PHIP: variants seen among roughly 807,000 people sequenced by gnomAD.
PHIP encodes the protein PHIP subunit of CUL4-Ring ligase complex, also known as PH-interacting protein.
In PHIP, 54 loss-of-function variants were observed where a neutral mutation model predicts 236.8. The ratio of observed to expected loss-of-function variants is 0.23; its 90% CI spans 0.18 to 0.29. The LOEUF (loss-of-function observed/expected upper bound fraction) is 0.29, where lower values mean the gene tolerates loss of function less well. Among genes scored for constraint, PHIP ranks in the 10% least tolerant of loss-of-function variants. PHIP has a pLI of 1.00. For synonymous variants in PHIP, 756 were observed against 718.9 expected (o/e 1.05, Z -0.83); for missense variants, 1,370 against 2,190.8 (o/e 0.63, Z 7.48).
intron 24 of PHIP, among the ~76,000 whole-genome samples, chr6:78,973,416 C>A (rs1767771837): frequency 6.8e-6 from 1 of 147,628 alleles, no homozygotes; most frequent in Admixed American, 6.9e-5. Flanking sequence ...CCAGCCGCTG[C>A]AAAATCATGC....
rs1162812661 is a variant in PHIP, at chr6:78,938,704, A to C, written c.*1989T>G. 1 of 151,718 alleles carries C rather than the reference A, an allele frequency of 6.6e-6. No homozygotes were observed. The highest frequency in any genetic ancestry group is 2.4e-5 in the African/African-American group (1 of 41,426). 9.4% of individuals were successfully genotyped at this position (151,718 alleles called of 1,614,324 possible). On this transcript the variant is annotated 3_prime_UTR_variant, in exon 40 of 40. Transcript: ENST00000275034. ...TAAATATATTTGTTAGAAAAAAATA[A>C]ATATACAAAAAACCTGAAAAATTTG...
intron 6 of PHIP, among the ~76,000 whole-genome samples, chr6:79,051,183 A>G (rs1350341745): frequency 6.6e-6 from 1 of 152,166 alleles, no homozygotes; most frequent in East Asian, 1.9e-4. Context: ...ATTATTCAAC[A>G]CAGGTTGGTT....
chr6:78,994,666 C>T (rs1020271266), intron 19 of PHIP, among the ~76,000 whole-genome samples: 4 of 152,138 alleles, frequency 2.6e-5, no homozygotes, highest in African/African-American at 9.7e-5. Flanking sequence ...AAGTTCCACA[C>T]AGAAATATTT....
At chr6:79,008,618 A>G (rs1770421555) in intron 15 of PHIP, among the ~76,000 whole-genome samples, 1 of 152,038 alleles carries the variant, frequency 6.6e-6, no homozygotes, top group Non-Finnish European at 1.5e-5. Flanking sequence ...ATTCTGCTAA[A>G]TATATGAGTA....
chr6:79,003,179 A>G (rs775067501), intron 16 of PHIP, among the ~76,000 whole-genome samples: 19 of 152,036 alleles, frequency 1.2e-4, no homozygotes, highest in Non-Finnish European at 1.8e-4. Flanking sequence ...CTGAAATGAG[A>G]GGATTGTTTG....
chr6:79,066,889 T>C (rs1034649511), intron 4 of PHIP, among the ~76,000 whole-genome samples: 1 of 152,072 alleles, frequency 6.6e-6, no homozygotes, highest in African/African-American at 2.4e-5. Context: ...ACCCTGGTTT[T>C]GTTTTTGTTT....
chr6:79,025,891 T>G, intron 8 of PHIP, 52 bp downstream of exon 8: 1 of 1,289,004 alleles, frequency 7.8e-7, no homozygotes, highest in Non-Finnish European at 1.1e-6. Flanking sequence ...TAAATTTACT[T>G]TACATTATAA....
At position 79,029,750 on chromosome 6, in the gene PHIP, G is replaced by A. The variant is rs567852812; in HGVS notation, c.601-3586C>T. ...TCGCCCTGGTGACCAGGCTGGTCTC[G>A]AACTCCTGGCCTCAAGTAATCCACC... On this transcript the variant is annotated intron_variant, in intron 7 of 39. Coordinates refer to ENST00000275034, the MANE Select transcript of PHIP (RefSeq NM_017934.7). 9.9e-5 allele frequency among the ~76,000 whole-genome samples: 15 copies of A among 152,172 alleles called. No homozygotes were observed. The South Asian group carries it at 3.1e-3, about 32-fold the overall frequency.
chr6:79,049,876 T>C (rs1235344624), intron 6 of PHIP, among the ~76,000 whole-genome samples: 1 of 152,216 alleles, frequency 6.6e-6, no homozygotes, highest in East Asian at 1.9e-4. Flanking sequence ...GATAAATGTA[T>C]TGTGTGGCAT....
At chr6:78,961,566 T>TC in intron 31 of PHIP, 124 bp downstream of exon 31, 1 of 851,410 alleles carries the variant, frequency 1.2e-6, no homozygotes, top group South Asian at 1.6e-5. Context: ...CATTTTAACA[T>TC]AATCCCCATA....
At position 78,935,055 on chromosome 6, in the gene PHIP, T is replaced by C. The variant is rs970903680; in HGVS notation, c.*5638A>G. Among the ~76,000 whole-genome samples, 2 of 152,158 alleles carry C rather than the reference T, an allele frequency of 1.3e-5. No individual in the cohort carries two copies. Among genetic ancestry groups the C allele is most frequent in the African/African-American group, 4.8e-5 (2 of 41,438 alleles). ...CTTTAATCTTACTTCCGTTAAATACTGGGGAATCCTGGGTCATAAAATTGG... is the reference window on the plus strand; with the variant it reads ...CTTTAATCTTACTTCCGTTAAATACCGGGGAATCCTGGGTCATAAAATTGG... On this transcript the variant is annotated 3_prime_UTR_variant, in exon 40 of 40. Coordinates refer to ENST00000275034, the MANE Select transcript of PHIP (RefSeq NM_017934.7).
chr6:78,937,207 T>C lies in PHIP; in HGVS notation c.*3486A>G, dbSNP rs1044910960. On this transcript the variant is annotated 3_prime_UTR_variant, in exon 40 of 40. Coordinates refer to ENST00000275034, the MANE Select transcript of PHIP (RefSeq NM_017934.7). ...ACATTCAGAATATATCCGTTTTCAT[T>C]AGATAGAAAACTGAAAAAGTTGCTT... The C allele has an allele frequency of 6.6e-6, 1 of 151,710 alleles. No homozygotes were observed. Among genetic ancestry groups the C allele is most frequent in the Non-Finnish European group, 1.5e-5 (1 of 67,666 alleles). 9.4% of individuals were successfully genotyped at this position (151,710 alleles called of 1,614,324 possible).
At chr6:78,980,182 G>T (rs1187396730) in intron 23 of PHIP, among the ~76,000 whole-genome samples, 1 of 151,864 alleles carries the variant, frequency 6.6e-6, no homozygotes, top group Non-Finnish European at 1.5e-5. Context: ...AATTTTTATC[G>T]GAACACAGCC....
chr6:78,947,876 T>C (rs1773913714), intron 35 of PHIP, 101 bp from the exon 36 acceptor site: 1 of 726,356 alleles, frequency 1.4e-6, no homozygotes, highest in Non-Finnish European at 2.3e-6. Flanking sequence ...CTGCAAGTCC[T>C]AGAACTCTTA....
In PHIP at chr6:79,015,779, T is replaced by G. The variant is rs201512168; in HGVS notation, c.1240A>C (p.Asn414His). Reference sequence around the variant, plus strand: ...ATTTTATCTTCTATTCCTTGAAGGTTTTGGCTGAAAGTGAGGAAGTGTTTT... The same window carrying G: ...ATTTTATCTTCTATTCCTTGAAGGTGTTGGCTGAAAGTGAGGAAGTGTTTT... ...LDMATRPAGQNLQGIEDKITK... is the reference protein window; with the variant it reads ...LDMATRPAGQHLQGIEDKITK... Residue 414 changes from asparagine to histidine, a missense_variant, in exon 14 of 40, where the codon AAC becomes CAC. Around this residue, in one of 14 missense-constraint regions of PHIP, gnomAD observed 188 missense variants for 354.3 expected, o/e 0.53. Transcript: ENST00000275034. The G allele has an allele frequency of 9.3e-6, 15 of 1,607,734 alleles. No homozygotes were observed. Among genetic ancestry groups the G allele is most frequent in the African/African-American group, 1.3e-5 (1 of 74,666 alleles).
rs1773339265 is a variant in PHIP at position 78,938,067 on chromosome 6, A to G, written c.*2626T>C. 6.6e-6 allele frequency: 1 copy of G among 151,748 alleles called. No homozygotes were observed. 9.4% of individuals were successfully genotyped at this position (151,748 alleles called of 1,614,324 possible). A position where few individuals can be genotyped will look rare whatever the true frequency, so the allele number is the denominator to read the frequency against. On this transcript the variant is annotated 3_prime_UTR_variant, in exon 40 of 40. Transcript: ENST00000275034. ...AAAGAGGATTATTTTCCCAAGTGGT[A>G]AAGAAAACAAAAATATGGTGATGAC...
intron 4 of PHIP, 86 bp downstream of exon 4, chr6:79,077,362 T>C: frequency 7.9e-7 from 1 of 1,273,620 alleles, no homozygotes; most frequent in Non-Finnish European, 1.1e-6. Flanking sequence ...AGGGCCAAGT[T>C]TTTGTCTCTG....
Position 79,078,240 on chromosome 6 carries a change from T to C in PHIP, c.-172A>G. ...AGGAGGAGGAGGAGGAAACAACAAC[T>C]CTCAGGCAGCGACTACGGCCGTGGC... is the stretch of plus-strand genomic sequence containing the variant. On this transcript the variant is annotated 5_prime_UTR_variant, in exon 1 of 40. Coordinates refer to ENST00000275034, the MANE Select transcript of PHIP (RefSeq NM_017934.7). 1 of 604,594 alleles carries C rather than the reference T, an allele frequency of 1.7e-6. No individual in the cohort carries two copies. The highest frequency in any genetic ancestry group is 2.9e-6 in the Non-Finnish European group (1 of 347,264). The allele number at this position is 604,594 out of a possible 1,614,324, so 37.5% of individuals were successfully genotyped here.
chr6:78,944,852 T>G lies in PHIP; in HGVS notation c.4828+448A>C, dbSNP rs190897353. Among the ~76,000 whole-genome samples, 627 of 152,272 alleles carry G rather than the reference T, an allele frequency of 4.1e-3. 2 individuals carry two copies. The highest frequency in any genetic ancestry group is 0.014 in the African/African-American group (567 of 41,550). ...TTCTTCATCTTTCAAACATAAAGAC[T>G]TTACAATAAAAACCTGGAGGTGAAA... is the stretch of plus-strand genomic sequence containing the variant. On this transcript the variant is annotated intron_variant, in intron 39 of 39. Coordinates refer to ENST00000275034, the MANE Select transcript of PHIP (RefSeq NM_017934.7).
Sources: gnomAD v4.1 joint callset for allele counts (sites outside exome capture counted in the v4.1 genomes callset) on GRCh38, gnomAD v4.1.1 for gene constraint, gnomAD v4.1.1 regional missense constraint, MANE v1.5 for transcripts, NCBI Gene and HGNC (gene_info 2026-07-23, HGNC 2026-07-21) for gene names.